CDH12: variants seen among roughly 807,000 people sequenced by gnomAD.
CDH12 encodes cadherin 12, also known as cadherin-12.
Under a neutral mutation model 74.1 loss-of-function variants are expected in CDH12, and 41 were observed. That is an observed-to-expected ratio of 0.55 (90% confidence interval 0.43 to 0.72). CDH12 has a LOEUF of 0.72. Ranked by LOEUF, CDH12 falls within the 30% of genes least tolerant of loss-of-function variation. The probability of loss-of-function intolerance (pLI) is 0.00; values close to 1 mark genes in which losing one functional copy is unlikely to be tolerated. For missense variants in CDH12, 945 were observed against 977.2 expected (o/e 0.97, Z 0.44); for synonymous variants, 399 against 355.0 (o/e 1.12, Z -1.39).
At chr5:22,117,512 A>ATAATATATATATAAT (rs1554012043) in intron 4 of CDH12, among the ~76,000 whole-genome samples, 3 of 58,576 alleles carry the variant, frequency 5.1e-5, no homozygotes, top group Non-Finnish European at 9.0e-5. Flanking sequence ...ATATATATAT[A>ATAATATATATATAAT]ATATATATAT....
intron 6 of CDH12, among the ~76,000 whole-genome samples, chr5:21,923,588 T>A (rs1332733203): frequency 6.6e-6 from 1 of 152,146 alleles, no homozygotes; most frequent in Non-Finnish European, 1.5e-5. Context: ...ATGCTCCCCA[T>A]GTCTTCTATG....
At chr5:21,999,424 T>C (rs1736482024) in intron 5 of CDH12, among the ~76,000 whole-genome samples, 1 of 152,168 alleles carries the variant, frequency 6.6e-6, no homozygotes, top group South Asian at 2.1e-4. Context: ...ACAAACCCAT[T>C]GAACTGTCCC....
intron 1 of CDH12, among the ~76,000 whole-genome samples, chr5:22,696,128 G>T (rs1337868779): frequency 6.6e-6 from 1 of 151,914 alleles, no homozygotes; most frequent in African/African-American, 2.4e-5. Context: ...CTGCACTTTG[G>T]GAGGCTGAGG....
At chr5:22,835,164 A>G (rs1736769580) in intron 1 of CDH12, among the ~76,000 whole-genome samples, 1 of 152,008 alleles carries the variant, frequency 6.6e-6, no homozygotes, top group South Asian at 2.1e-4. Flanking sequence ...CTAGATATGA[A>G]CCTATTTGTC....
At chr5:22,749,620 G>T (rs1267858623) in intron 1 of CDH12, among the ~76,000 whole-genome samples, 11 of 152,234 alleles carry the variant, frequency 7.2e-5, no homozygotes, top group African/African-American at 2.2e-4. Flanking sequence ...GTACCCCAGA[G>T]ACTCCAAATA....
chr5:22,551,425 A>G (rs1289652957), intron 1 of CDH12, among the ~76,000 whole-genome samples: 1 of 152,178 alleles, frequency 6.6e-6, no homozygotes, highest in African/African-American at 2.4e-5. Context: ...CCCAACCCAG[A>G]AAGGAGACAA....
At chr5:22,785,925 A>C (rs750864434) in intron 1 of CDH12, among the ~76,000 whole-genome samples, 1 of 152,190 alleles carries the variant, frequency 6.6e-6, no homozygotes, top group Non-Finnish European at 1.5e-5. Context: ...AAAGATCTAA[A>C]GACAGAAATA....
chr5:22,363,663 T>C (rs1399060753), intron 3 of CDH12, among the ~76,000 whole-genome samples: 1 of 152,192 alleles, frequency 6.6e-6, no homozygotes, highest in Admixed American at 6.6e-5. Context: ...TGATTACATT[T>C]ATATACAAGT....
chr5:22,728,275 T>C (rs557215399), intron 1 of CDH12, among the ~76,000 whole-genome samples: 1 of 152,000 alleles, frequency 6.6e-6, no homozygotes, highest in South Asian at 2.1e-4. Context: ...ACTTTTGATT[T>C]TCTGAATCAC....
chr5:22,607,145 G>A lies in CDH12; in HGVS notation c.-522-101781C>T, dbSNP rs145614298. Among the ~76,000 whole-genome samples, 551 of 152,272 alleles carry A rather than the reference G, an allele frequency of 3.6e-3. 1 individual carries two copies. The highest frequency in any genetic ancestry group is 0.01 in the African/African-American group (424 of 41,562). On this transcript the variant is annotated intron_variant, in intron 1 of 14. Transcript: ENST00000382254. ...AAGAGCATAAACGTTTGGAAAATTT[G>A]CTGTCTGACCGTGAGGTAGAAAAGA... is the stretch of plus-strand genomic sequence containing the variant.
At chr5:22,492,418 G>T in intron 2 of CDH12, among the ~76,000 whole-genome samples, 1 of 151,516 alleles carries the variant, frequency 6.6e-6, no homozygotes, top group South Asian at 2.1e-4. Context: ...TATGACTTTG[G>T]CTCACTGCAA....
intron 1 of CDH12, among the ~76,000 whole-genome samples, chr5:22,628,286 C>G (rs1431973321): frequency 6.6e-6 from 1 of 152,134 alleles, no homozygotes; most frequent in East Asian, 1.9e-4. Context: ...TCCAAAACAA[C>G]AGAATATACA....
At chr5:22,804,533 C>T (rs1010750028) in intron 1 of CDH12, among the ~76,000 whole-genome samples, 3 of 152,150 alleles carry the variant, frequency 2.0e-5, no homozygotes, top group Non-Finnish European at 2.9e-5. Flanking sequence ...TTCAATGAAT[C>T]GATCAGGCTG....
rs539592676 is a variant in CDH12, at chr5:22,244,640, G to A, written c.-332-31997C>T. 2.3e-5 allele frequency among the ~76,000 whole-genome samples: 3 copies of A among 130,972 alleles called. No homozygotes were observed. In the South Asian group the frequency reaches 8.8e-4, roughly 38 times the overall value. 85.9% of individuals were successfully genotyped at this position (130,972 alleles called of 152,430 possible). A position where few individuals can be genotyped will look rare whatever the true frequency, so the allele number is the denominator to read the frequency against. ...GAGGGAGGGAAGGAAGGGAGGGAGG[G>A]AGGGGAGAGAGAAAGAGAGAGGAAA... On this transcript the variant is annotated intron_variant, in intron 3 of 14. Transcript: ENST00000382254.
intron 4 of CDH12, among the ~76,000 whole-genome samples, chr5:22,170,518 T>A (rs1349402110): frequency 2.0e-5 from 3 of 151,352 alleles, no homozygotes; most frequent in South Asian, 4.2e-4. Context: ...CTTAGAGAAA[T>A]GGCAATTCAA....
At chr5:22,059,325 CGTCTATCTATCATCT>C (rs958705194) in intron 5 of CDH12, among the ~76,000 whole-genome samples, 3 of 147,628 alleles carry the variant, frequency 2.0e-5, no homozygotes, top group Non-Finnish European at 4.4e-5. Flanking sequence ...ATCCATCTAT[CGTCTATCTATCATCT>C]ATCTATCTAT....
intron 6 of CDH12, among the ~76,000 whole-genome samples, chr5:21,952,184 T>A (rs1035013156): frequency 6.6e-6 from 1 of 152,198 alleles, no homozygotes; most frequent in Non-Finnish European, 1.5e-5. Flanking sequence ...CTGTTCTTAT[T>A]GTTCAAAGAG....
chr5:21,954,380 G>A (rs1345305424), intron 6 of CDH12, among the ~76,000 whole-genome samples: 2 of 151,632 alleles, frequency 1.3e-5, no homozygotes, highest in African/African-American at 2.4e-5. Context: ...GTGTGTGTGA[G>A]TGCCTGCACA....
At chr5:22,304,513 A>C (rs1454418900) in intron 3 of CDH12, among the ~76,000 whole-genome samples, 1 of 152,210 alleles carries the variant, frequency 6.6e-6, no homozygotes, top group Non-Finnish European at 1.5e-5. Context: ...AAAAAGGCAC[A>C]AACGAGCTAA....
Sources: allele counts gnomAD v4.1 joint callset (sites outside exome capture counted in the v4.1 genomes callset), GRCh38; gene constraint gnomAD v4.1.1; transcripts MANE v1.5; gene names NCBI Gene and HGNC (gene_info 2026-07-23, HGNC 2026-07-21).